The following SH3BP4 variants were observed in gnomAD, a reference collection of about 807,000 sequenced individuals.
SH3BP4 encodes SH3 domain-binding protein 4.
A neutral mutation model predicts 65.5 loss-of-function variants in SH3BP4; 33 were observed. The ratio of observed to expected loss-of-function variants is 0.50; its 90% CI spans 0.38 to 0.67. SH3BP4 has a LOEUF of 0.67. SH3BP4 is among the 30% of genes least tolerant of loss of function. SH3BP4 has a pLI of 0.00. For missense variants in SH3BP4, 1,134 were observed against 1,261.4 expected, an observed-to-expected ratio of 0.90 and a Z score of 1.53; for synonymous variants, 552 against 545.5, an observed-to-expected ratio of 1.01 and a Z score of -0.17.
rs2106349148 is a variant in SH3BP4, at chr2:235,055,652, G to GT, written c.*1838dup. On this transcript the variant is annotated 3_prime_UTR_variant, in exon 6 of 6. Transcript: ENST00000392011. The stretch of plus-strand genomic sequence containing the variant: ...AAATTTTATTTGGATATTTTAACCT[G>GT]TTAAGTGTGTGTGTGTTTTCTGTAC... 1 of 152,700 alleles carries GT rather than the reference G, an allele frequency of 6.5e-6. No individual in the cohort carries two copies. The highest frequency in any genetic ancestry group is 1.5e-5 in the Non-Finnish European group (1 of 68,030). 9.5% of individuals were successfully genotyped at this position (152,700 alleles called of 1,614,324 possible).
chr2:235,008,339 C>G (rs1021143629), intron 2 of SH3BP4, among the ~76,000 whole-genome samples: 3 of 152,132 alleles, frequency 2.0e-5, no homozygotes, highest in African/African-American at 7.2e-5. Flanking sequence ...CTGGCATGAG[C>G]TCTGGGCTGC....
chr2:235,017,812 T>G (rs1694737181), intron 2 of SH3BP4, among the ~76,000 whole-genome samples: 1 of 152,164 alleles, frequency 6.6e-6, no homozygotes. Context: ...AAATCTGTAA[T>G]GAATTATTTT....
At chr2:235,051,957 A>T (rs1210007545) in intron 4 of SH3BP4, among the ~76,000 whole-genome samples, 2 of 152,190 alleles carry the variant, frequency 1.3e-5, no homozygotes, top group Non-Finnish European at 2.9e-5. Context: ...GGGGCTGCCA[A>T]GACAAATGAC....
intron 2 of SH3BP4, among the ~76,000 whole-genome samples, chr2:235,024,774 A>C (rs1429790591): frequency 6.6e-6 from 1 of 152,172 alleles, no homozygotes; most frequent in Non-Finnish European, 1.5e-5. Flanking sequence ...AAGCGGGTTG[A>C]TTGATAAAGA....
In SH3BP4 at chr2:235,045,212, C is replaced by T. The variant is rs138326957; in HGVS notation, c.2478+1965C>T. ...GTGCGGGCGGCCCCGAGACCACAGC[C>T]GTGGCTGTGCATGCTGTCGTGGAAC... On this transcript the variant is annotated intron_variant, in intron 4 of 5. Coordinates refer to ENST00000392011, the MANE Select transcript of SH3BP4 (RefSeq NM_014521.3). The surrounding 1 kb of genome is among the most constrained non-coding windows in gnomAD (Gnocchi z 4.3). Among the ~76,000 whole-genome samples the T allele has an allele frequency of 2.2e-4, 34 of 152,268 alleles. No homozygotes were observed. The highest frequency in any genetic ancestry group is 7.2e-4 in the African/African-American group (30 of 41,552).
In SH3BP4 at chr2:235,041,792, G is replaced by T; in HGVS notation, c.1023G>T (p.Val341=). Residue 341 remains valine, a synonymous_variant, in exon 4 of 6, where the codon GTG becomes GTT. Transcript: ENST00000392011. The surrounding 1 kb of genome is among the most constrained non-coding windows in gnomAD (Gnocchi z 6.0). ...CTGACACCAGCATCAGCATCCACGTGCCCGAGGGCCACGTCGCCCCTGGGG... is the reference window on the plus strand; with the variant it reads ...CTGACACCAGCATCAGCATCCACGTTCCCGAGGGCCACGTCGCCCCTGGGG... ...QLPDTSISIH[V]PEGHVAPGET... 2 of 1,594,930 alleles carry T rather than the reference G, an allele frequency of 1.3e-6. No individual in the cohort carries two copies. Among genetic ancestry groups the T allele is most frequent in the Non-Finnish European group, 1.7e-6 (2 of 1,169,104 alleles).
rs1160989735 is a variant in SH3BP4 at position 235,026,911 on chromosome 2, C to T, written c.-132-7960C>T. Reference sequence around the variant, plus strand: ...TGTTTTCTCCCCCAGGAAGAGGCAGCCCGCCCGAGCCCCAGGCAGCATGTT... The same window carrying T: ...TGTTTTCTCCCCCAGGAAGAGGCAGTCCGCCCGAGCCCCAGGCAGCATGTT... On this transcript the variant is annotated intron_variant, in intron 2 of 5. Coordinates refer to ENST00000392011, the MANE Select transcript of SH3BP4 (RefSeq NM_014521.3). The surrounding 1 kb of genome is among the most constrained non-coding windows in gnomAD (Gnocchi z 4.6). Among the ~76,000 whole-genome samples the T allele has an allele frequency of 2.0e-5, 3 of 152,186 alleles. No homozygotes were observed. Among genetic ancestry groups the T allele is most frequent in the Non-Finnish European group, 4.4e-5 (3 of 68,034 alleles).
intron 4 of SH3BP4, 57 bp downstream of exon 4, chr2:235,043,304 G>A (rs1304029491): frequency 1.9e-5 from 27 of 1,419,548 alleles, no homozygotes; most frequent in Middle Eastern, 2.3e-4. Flanking sequence ...AAGCCTTTCC[G>A]CCTTCCCAGT....
intron 2 of SH3BP4, among the ~76,000 whole-genome samples, chr2:235,009,285 C>T (rs1233754301): frequency 6.6e-6 from 1 of 152,166 alleles, no homozygotes; most frequent in Non-Finnish European, 1.5e-5. Context: ...GGCCTCCACT[C>T]TGCAAAGGCA....
Position 235,052,171 on chromosome 2 carries a change from G to A in SH3BP4, c.2479-391G>A, listed in dbSNP as rs1022899626. On this transcript the variant is annotated intron_variant, in intron 4 of 5. Coordinates refer to ENST00000392011, the MANE Select transcript of SH3BP4 (RefSeq NM_014521.3). The surrounding 1 kb of genome is among the most constrained non-coding windows in gnomAD (Gnocchi z 5.0). ...CCGCATCTGTCCCGTCTCTGCCTCC[G>A]TCTTCACACGGCCTTCTTCTCTCTG... 1.1e-4 allele frequency among the ~76,000 whole-genome samples: 16 copies of A among 145,408 alleles called. No individual in the cohort carries two copies. The highest frequency in any genetic ancestry group is 7.1e-4 in the South Asian group (3 of 4,246).
chr2:235,042,654 A>G lies in SH3BP4; in HGVS notation c.1885A>G (p.Asn629Asp). The change falls in exon 4 of 6, where the codon AAC becomes GAC. Residue 629 changes from asparagine (N) to aspartate (D), a missense_variant. Transcript: ENST00000392011. The surrounding 1 kb of genome is among the most constrained non-coding windows in gnomAD (Gnocchi z 7.3). Reference sequence around the variant, plus strand: ...CGGGCAAAGGAGGTTTCTCAAGAAGAACGAAGTCGGGAAAATCATCCTGTC... The same window carrying G: ...CGGGCAAAGGAGGTTTCTCAAGAAGGACGAAGTCGGGAAAATCATCCTGTC... Reference protein sequence around the residue: ...PSGQRRFLKKNEVGKIILSPF... With the variant: ...PSGQRRFLKKDEVGKIILSPF... 1 of 1,614,158 alleles carries G rather than the reference A, an allele frequency of 6.2e-7. No homozygotes were observed. Among genetic ancestry groups the G allele is most frequent in the Non-Finnish European group, 8.5e-7 (1 of 1,180,044 alleles).
intron 2 of SH3BP4, among the ~76,000 whole-genome samples, chr2:235,009,473 A>C (rs1259923842): frequency 3.3e-5 from 5 of 152,130 alleles, no homozygotes; most frequent in Non-Finnish European, 5.9e-5. Flanking sequence ...CTCCTAGGTC[A>C]TTGTGTCTAA....
In SH3BP4 at chr2:235,042,273, A is replaced by G. The variant is rs765373741; in HGVS notation, c.1504A>G (p.Lys502Glu). Reference sequence around the variant, plus strand: ...CATTTTTGGGCATGACTGTGCCCCAAAGACGCTCCTGGTCAGCGAGGTCAC... The same window carrying G: ...CATTTTTGGGCATGACTGTGCCCCAGAGACGCTCCTGGTCAGCGAGGTCAC... ...VTIFGHDCAP[K>E]TLLVSEVTRQ... is the part of the protein sequence containing the mutation. Residue 502 changes from lysine to glutamate, a missense_variant, in exon 4 of 6, where the codon AAG becomes GAG. Coordinates refer to ENST00000392011, the MANE Select transcript of SH3BP4 (RefSeq NM_014521.3). The surrounding 1 kb of genome is among the most constrained non-coding windows in gnomAD (Gnocchi z 7.3). The G allele has an allele frequency of 1.7e-5, 28 of 1,614,072 alleles. No individual in the cohort carries two copies. Among genetic ancestry groups the G allele is most frequent in the South Asian group, 2.2e-5 (2 of 91,078 alleles).
At chr2:234,969,925 ACAC>A (rs775519919) in intron 1 of SH3BP4, among the ~76,000 whole-genome samples, 62 of 147,350 alleles carry the variant, frequency 4.2e-4, no homozygotes, top group Non-Finnish European at 8.6e-4. Context: ...TGTCACACAC[ACAC>A]ATTTGCATAC....
At chr2:235,050,382 G>T (rs1042977266) in intron 4 of SH3BP4, among the ~76,000 whole-genome samples, 3 of 152,090 alleles carry the variant, frequency 2.0e-5, no homozygotes, top group Admixed American at 1.3e-4. Flanking sequence ...CTCCCAAAGT[G>T]CTGGGATTAC....
intron 3 of SH3BP4, among the ~76,000 whole-genome samples, chr2:235,040,616 A>C (rs545358324): frequency 1.3e-5 from 2 of 151,868 alleles, no homozygotes; most frequent in Admixed American, 1.3e-4. Flanking sequence ...ATTCCATTGC[A>C]CTGATTTGCC....
intron 1 of SH3BP4, chr2:234,953,049 A>AG (rs1559221122): frequency 6.6e-6 from 1 of 152,264 alleles, no homozygotes; most frequent in African/African-American, 2.4e-5. Flanking sequence ...CAGCGAGCAG[A>AG]GGGTCGTGGA....
rs763529794 is a variant in SH3BP4, at chr2:235,042,624, C to G, written c.1855C>G (p.Pro619Ala). The G allele has an allele frequency of 3.6e-5, 58 of 1,614,002 alleles. No individual in the cohort carries two copies. Among genetic ancestry groups the G allele is most frequent in the Non-Finnish European group, 4.6e-5 (54 of 1,180,044 alleles). ...GCCACCCCCTAAAAGTGCCATCAAG[C>G]CTTCCGGGCAAAGGAGGTTTCTCAA... Reference protein sequence around the residue: ...PQPPPKSAIKPSGQRRFLKKN... With the variant: ...PQPPPKSAIKASGQRRFLKKN... Residue 619 changes from proline to alanine, a missense_variant, in exon 4 of 6, where the codon CCT (proline) becomes GCT (alanine). Transcript: ENST00000392011. The surrounding 1 kb of genome is among the most constrained non-coding windows in gnomAD (Gnocchi z 7.3).
intron 1 of SH3BP4, among the ~76,000 whole-genome samples, chr2:234,964,631 G>A (rs1026242748): frequency 1.3e-5 from 2 of 152,138 alleles, no homozygotes; most frequent in Admixed American, 6.5e-5. Flanking sequence ...GATTTAGGGG[G>A]GCAGTGGACT....
Sources: allele counts gnomAD v4.1 joint callset (sites outside exome capture counted in the v4.1 genomes callset), GRCh38; gene constraint gnomAD v4.1.1; non-coding constraint Gnocchi (gnomAD v3.1); transcripts MANE v1.5; gene names NCBI Gene and HGNC (gene_info 2026-07-23, HGNC 2026-07-21).